Variants in CDH7 observed in about 807,000 individuals in gnomAD.
CDH7 encodes cadherin 7, also known as cadherin-7.
In CDH7, 25 loss-of-function variants were observed where a neutral mutation model predicts 71.8. The ratio of observed to expected loss-of-function variants is 0.35; its 90% CI spans 0.25 to 0.49. The LOEUF (loss-of-function observed/expected upper bound fraction) is 0.49, where lower values mean the gene tolerates loss of function less well. CDH7 is among the 20% of genes least tolerant of loss of function. CDH7 has a pLI of 0.99. For synonymous variants in CDH7, 381 were observed against 363.8 expected (o/e 1.05, Z -0.54); for missense variants, 862 against 974.6 (o/e 0.88, Z 1.54).
chr18:65,838,935 T>C (rs1389079754), intron 6 of CDH7, among the ~76,000 whole-genome samples: 1 of 152,216 alleles, frequency 6.6e-6, no homozygotes, highest in Non-Finnish European at 1.5e-5. Context: ...ATAATGCTTC[T>C]AATAACAGCA....
intron 7 of CDH7, among the ~76,000 whole-genome samples, chr18:65,844,874 A>C (rs545781213): frequency 2.0e-5 from 3 of 152,074 alleles, no homozygotes; most frequent in African/African-American, 7.2e-5. Context: ...ACTTTTCAAC[A>C]TAAAGGTTTG....
chr18:65,777,233 C>T (rs146539431), intron 2 of CDH7, among the ~76,000 whole-genome samples: 1,619 of 152,132 alleles, frequency 0.011, 26 homozygotes, highest in African/African-American at 0.034. Flanking sequence ...CAATATAAAG[C>T]TGAAGGAAAT....
chr18:65,805,313 T>C (rs945771836), intron 2 of CDH7, among the ~76,000 whole-genome samples: 7 of 152,124 alleles, frequency 4.6e-5, no homozygotes, highest in Admixed American at 3.9e-4. Flanking sequence ...GTGGGTGTGT[T>C]GGGAAGCATG....
At chr18:65,776,399 CACAG>C (rs61338346) in intron 2 of CDH7, among the ~76,000 whole-genome samples, 1,652 of 132,308 alleles carry the variant, frequency 0.012, 21 homozygotes, top group African/African-American at 0.042. Context: ...CACACACACA[CACAG>C]AGAGAGAGAG....
rs571368599 is a variant in CDH7 at position 65,792,132 on chromosome 18, T to C, written c.211-17572T>C. Among the ~76,000 whole-genome samples, 29 of 151,996 alleles carry C rather than the reference T, an allele frequency of 1.9e-4. 1 individual carries two copies. In the South Asian group the frequency reaches 3.3e-3, roughly 18 times the overall value. ...TATTCTCTGCATTTAAAAATGGCTC[T>C]TAAAAGTTCTAGCTATACTCCATGG... On this transcript the variant is annotated intron_variant, in intron 2 of 11. Coordinates refer to ENST00000397968, the MANE Select transcript of CDH7 (RefSeq NM_004361.5).
chr18:65,882,207 G>A lies in CDH7; in HGVS notation c.*1313G>A, dbSNP rs928971550. On this transcript the variant is annotated 3_prime_UTR_variant, in exon 12 of 12. Coordinates refer to ENST00000397968, the MANE Select transcript of CDH7 (RefSeq NM_004361.5). ...CAATGTATGATTTCTGTGTGGTTTAGATGTGCCAAAGGAAGGAAGGCAATT... is the reference window on the plus strand; with the variant it reads ...CAATGTATGATTTCTGTGTGGTTTAAATGTGCCAAAGGAAGGAAGGCAATT... The A allele has an allele frequency of 1.3e-5, 2 of 152,114 alleles. No homozygotes were observed. Among genetic ancestry groups the A allele is most frequent in the African/African-American group, 4.8e-5 (2 of 41,424 alleles). The allele number at this position is 152,114 out of a possible 1,614,324, so 9.4% of individuals were successfully genotyped here.
In CDH7 at chr18:65,813,392, A is replaced by G. The variant is rs111851242; in HGVS notation, c.506-1093A>G. Among the ~76,000 whole-genome samples, 420 of 152,324 alleles carry G rather than the reference A, an allele frequency of 2.8e-3. 4 individuals are homozygous for G. Among genetic ancestry groups the G allele is most frequent in the African/African-American group, 9.6e-3 (398 of 41,574 alleles). On this transcript the variant is annotated intron_variant, in intron 3 of 11. Coordinates refer to ENST00000397968, the MANE Select transcript of CDH7 (RefSeq NM_004361.5). ...ATTTAAAGAATAGTGCTGTACACTT[A>G]ACTTTCATAATTTCCACGTAATTTT...
chr18:65,800,138 G>A (rs1002296590), intron 2 of CDH7, among the ~76,000 whole-genome samples: 2 of 152,106 alleles, frequency 1.3e-5, no homozygotes, highest in African/African-American at 4.8e-5. Context: ...GGAGTGAAGT[G>A]GTGTGATCTT....
Position 65,857,888 on chromosome 18 carries a change from T to C in CDH7, c.1308T>C (p.Thr436=), listed in dbSNP as rs751378665. 1.2e-6 allele frequency: 2 copies of C among 1,613,684 alleles called. No homozygotes were observed. Among genetic ancestry groups the C allele is most frequent in the Non-Finnish European group, 1.7e-6 (2 of 1,179,652 alleles). ...NIDANSGVIT[T]AKSLDRETNA... is the part of the protein sequence containing the mutation. ...ATGCCAACAGTGGGGTCATCACAAC[T>C]GCCAAGTCTTTGGATCGAGAGACAA... The change falls in exon 8 of 12, where the codon ACT becomes ACC. Residue 436 remains threonine (T), a synonymous_variant. Coordinates refer to ENST00000397968, the MANE Select transcript of CDH7 (RefSeq NM_004361.5).
chr18:65,822,412 T>C (rs1911968029), intron 5 of CDH7, among the ~76,000 whole-genome samples, 164 bp downstream of exon 5: 1 of 152,120 alleles, frequency 6.6e-6, no homozygotes. Context: ...GATTCAGGAA[T>C]ATGGATTATA....
Position 65,857,317 on chromosome 18 carries a change from T to TATA in CDH7, c.1236-455_1236-453dup, listed in dbSNP as rs4047847. On this transcript the variant is annotated intron_variant, in intron 7 of 11. Coordinates refer to ENST00000397968, the MANE Select transcript of CDH7 (RefSeq NM_004361.5). ...GAGGAATATAGCAAGACCCTGCATC[T>TATA]ATAATAATAATAATAATAATAATAA... 8.0e-3 allele frequency among the ~76,000 whole-genome samples: 1,053 copies of TATA among 131,892 alleles called. 8 individuals are homozygous for TATA. The highest frequency in any genetic ancestry group is 0.011 in the Middle Eastern group (3 of 262). 86.5% of individuals were successfully genotyped at this position (131,892 alleles called of 152,430 possible).
intron 3 of CDH7, among the ~76,000 whole-genome samples, chr18:65,813,284 A>G (rs1186817141): frequency 6.6e-6 from 1 of 152,232 alleles, no homozygotes; most frequent in South Asian, 2.1e-4. Flanking sequence ...GTGAGCCAAG[A>G]TTGTGCCATT....
At chr18:65,829,041 G>A (rs1442337269) in intron 6 of CDH7, among the ~76,000 whole-genome samples, 1 of 152,170 alleles carries the variant, frequency 6.6e-6, no homozygotes, top group African/African-American at 2.4e-5. Context: ...TTCTGAGACA[G>A]AACCATTAGA....
chr18:65,818,850 G>A (rs1911814878), intron 4 of CDH7, among the ~76,000 whole-genome samples: 1 of 152,128 alleles, frequency 6.6e-6, no homozygotes, highest in Non-Finnish European at 1.5e-5. Flanking sequence ...TTTTGCTGGT[G>A]CATCATTCTC....
chr18:65,757,793 T>A (rs183458218), intron 1 of CDH7, among the ~76,000 whole-genome samples: 4,861 of 108,772 alleles, frequency 0.045, 92 homozygotes, highest in African/African-American at 0.073. Context: ...ATATATATAT[T>A]TTTTTTTTCT....
intron 2 of CDH7, among the ~76,000 whole-genome samples, chr18:65,794,741 C>T (rs1303598935): frequency 6.6e-6 from 1 of 151,996 alleles, no homozygotes; most frequent in Non-Finnish European, 1.5e-5. Context: ...GAAATGGGCA[C>T]ACTCAGGGCG....
intron 1 of CDH7, among the ~76,000 whole-genome samples, chr18:65,758,372 A>C (rs1298299620): frequency 6.6e-6 from 1 of 152,212 alleles, no homozygotes; most frequent in Non-Finnish European, 1.5e-5. Flanking sequence ...AAGACTGATA[A>C]GGAAAGGTGG....
chr18:65,818,865 C>G (rs1911815664), intron 4 of CDH7, among the ~76,000 whole-genome samples: 1 of 152,130 alleles, frequency 6.6e-6, no homozygotes, highest in East Asian at 1.9e-4. Flanking sequence ...ATTCTCCTGT[C>G]CATGTTTCAA....
At chr18:65,850,813 CTTTTT>C (rs370158021) in intron 7 of CDH7, among the ~76,000 whole-genome samples, 2 of 137,834 alleles carry the variant, frequency 1.5e-5, no homozygotes, top group Non-Finnish European at 1.6e-5. Context: ...CATTTTTATT[CTTTTT>C]TTTTTTTTTT....
Sources: allele counts gnomAD v4.1 joint callset (sites outside exome capture counted in the v4.1 genomes callset), GRCh38; gene constraint gnomAD v4.1.1; transcripts MANE v1.5; gene names NCBI Gene and HGNC (gene_info 2026-07-23, HGNC 2026-07-21).